Variants in SLC5A12 observed in about 807,000 individuals in gnomAD.
SLC5A12 encodes sodium-coupled monocarboxylate transporter 2.
Under a neutral mutation model 72.7 loss-of-function variants are expected in SLC5A12, and 46 were observed. The ratio of observed to expected loss-of-function variants is 0.63; its 90% CI spans 0.50 to 0.81. SLC5A12 has a LOEUF of 0.81. Ranked by LOEUF, SLC5A12 falls within the 30% of genes least tolerant of loss-of-function variation. The pLI is 0.00. For synonymous variants in SLC5A12, 275 were observed against 264.4 expected (o/e 1.04, Z -0.39); for missense variants, 683 against 740.7 (o/e 0.92, Z 0.90).
At chr11:26,707,947 C>A (rs555154410) in intron 4 of SLC5A12, among the ~76,000 whole-genome samples, 5 of 151,836 alleles carry the variant, frequency 3.3e-5, no homozygotes, top group African/African-American at 7.3e-5. Flanking sequence ...CCAGCTCCCC[C>A]CAAGGATTCT....
chr11:26,680,113 G>A (rs1203716776), intron 12 of SLC5A12, among the ~76,000 whole-genome samples: 1 of 151,384 alleles, frequency 6.6e-6, no homozygotes, highest in Non-Finnish European at 1.5e-5. Context: ...TGGACTCAGA[G>A]GGAATGAGCC....
chr11:26,720,783 G>A (rs1474800349), intron 1 of SLC5A12, among the ~76,000 whole-genome samples: 1 of 140,688 alleles, frequency 7.1e-6, no homozygotes, highest in Non-Finnish European at 1.5e-5. Context: ...TCCCATATTT[G>A]TATTATTTAG....
chr11:26,719,318 T>C (rs1379406702), intron 1 of SLC5A12, among the ~76,000 whole-genome samples: 1 of 152,222 alleles, frequency 6.6e-6, no homozygotes, highest in Non-Finnish European at 1.5e-5. Flanking sequence ...GGCATTAAAA[T>C]ATCATGCAGT....
intron 8 of SLC5A12, among the ~76,000 whole-genome samples, chr11:26,696,112 T>G (rs1854805590): frequency 6.6e-6 from 1 of 152,208 alleles, no homozygotes; most frequent in South Asian, 2.1e-4. Flanking sequence ...GTTATTTCCT[T>G]TATATACTAT....
intron 6 of SLC5A12, among the ~76,000 whole-genome samples, chr11:26,699,527 C>A (rs1016345547): frequency 5.9e-5 from 9 of 152,046 alleles, no homozygotes; most frequent in Non-Finnish European, 1.3e-4. Flanking sequence ...AAGTTTTTAT[C>A]TCAAAGTCTA....
At chr11:26,672,885 G>A (rs1237144504) in intron 14 of SLC5A12, among the ~76,000 whole-genome samples, 3 of 151,984 alleles carry the variant, frequency 2.0e-5, no homozygotes, top group South Asian at 2.1e-4. Flanking sequence ...CTTGCTTTAC[G>A]TTTATATCCC....
intron 1 of SLC5A12, among the ~76,000 whole-genome samples, chr11:26,719,983 A>G (rs1855440465): frequency 6.6e-6 from 1 of 152,188 alleles, no homozygotes; most frequent in Non-Finnish European, 1.5e-5. Flanking sequence ...AAAGGAGGTG[A>G]CAGTACCTGT....
In SLC5A12 at chr11:26,678,764, T is replaced by C; in HGVS notation, c.1527A>G (p.Ala509=). 6.2e-7 allele frequency: 1 copy of C among 1,613,452 alleles called. No individual in the cohort carries two copies. Among genetic ancestry groups the C allele is most frequent in the Non-Finnish European group, 8.5e-7 (1 of 1,179,640 alleles). The change falls in exon 13 of 15, where the codon GCA becomes GCG. Residue 509 remains alanine, a synonymous_variant. Coordinates refer to ENST00000396005, the MANE Select transcript of SLC5A12 (RefSeq NM_178498.4). ...CAACAATGCATCCTAAGCAGCCCAC[T>C]GCACTGTAGTAAAGGTAGGAGATCG... The part of the protein sequence containing the change: ...WYSISYLYYS[A]VGCLGCIVAG...
At chr11:26,682,457 G>A (rs1854432369) in intron 11 of SLC5A12, among the ~76,000 whole-genome samples, 1 of 152,202 alleles carries the variant, frequency 6.6e-6, no homozygotes, top group East Asian at 1.9e-4. Flanking sequence ...AGATTCTGAA[G>A]GTGTAGCCAC....
chr11:26,701,028 A>G (rs1854946366), intron 6 of SLC5A12, among the ~76,000 whole-genome samples: 1 of 152,188 alleles, frequency 6.6e-6, no homozygotes, highest in Admixed American at 6.5e-5. Flanking sequence ...CAAAAGCAGA[A>G]CATCTCATCA....
At chr11:26,694,053 G>A (rs1041369415) in intron 8 of SLC5A12, among the ~76,000 whole-genome samples, 6 of 152,138 alleles carry the variant, frequency 3.9e-5, no homozygotes, top group African/African-American at 1.4e-4. Context: ...GGGCGGGAGG[G>A]AGCAGAAAGT....
chr11:26,721,488 C>T lies in SLC5A12; in HGVS notation c.227G>A (p.Arg76His), dbSNP rs142065702. 53 of 1,614,078 alleles carry T rather than the reference C, an allele frequency of 3.3e-5. No individual in the cohort carries two copies. The African/African-American group carries it at 3.3e-4, about 10-fold the overall frequency. ...TVLGTPSEVY[R>H]FGASFLVFFI... Reference sequence around the variant, plus strand: ...GAAGACTAGGAAGGATGCCCCAAAGCGGTAGACTTCAGAAGGGGTCCCCAG... The same window carrying T: ...GAAGACTAGGAAGGATGCCCCAAAGTGGTAGACTTCAGAAGGGGTCCCCAG... The change falls in exon 1 of 15, where the codon CGC (arginine) becomes CAC (histidine). Residue 76 changes from arginine to histidine, a missense_variant. By Grantham distance (29) the Arg-to-His change is conservative. Transcript: ENST00000396005.
intron 13 of SLC5A12, among the ~76,000 whole-genome samples, chr11:26,674,377 C>A (rs376303592): frequency 3.0e-3 from 434 of 145,446 alleles, no homozygotes; most frequent in Middle Eastern, 7.0e-3. Flanking sequence ...TTTCTAGAGA[C>A]AAAAAAAATA....
chr11:26,673,345 A>C (rs1854187991), intron 14 of SLC5A12, 57 bp downstream of exon 14: 2 of 1,408,170 alleles, frequency 1.4e-6, no homozygotes, highest in South Asian at 1.8e-5. Flanking sequence ...TAAATGGGCA[A>C]AACCAGGAAT....
At chr11:26,671,390 C>T in intron 14 of SLC5A12, 139 bp from the exon 15 acceptor site, 2 of 593,020 alleles carry the variant, frequency 3.4e-6, no homozygotes, top group South Asian at 3.2e-5. Flanking sequence ...TGACCTAAGA[C>T]ATTTTCTAAT....
At chr11:26,708,819 T>C (rs1855152006) in intron 4 of SLC5A12, among the ~76,000 whole-genome samples, 1 of 152,062 alleles carries the variant, frequency 6.6e-6, no homozygotes, top group Non-Finnish European at 1.5e-5. Context: ...AAGTGGTAAA[T>C]GTAATCCAGG....
intron 6 of SLC5A12, among the ~76,000 whole-genome samples, chr11:26,702,862 G>GA (rs1565197137): frequency 6.6e-6 from 1 of 151,926 alleles, no homozygotes; most frequent in Non-Finnish European, 1.5e-5. Context: ...CTATATCAAA[G>GA]AAAAAAATGA....
At chr11:26,698,616 A>G (rs1321262093) in intron 6 of SLC5A12, 81 bp from the exon 7 acceptor site, 1 of 1,414,284 alleles carries the variant, frequency 7.1e-7, no homozygotes, top group African/African-American at 1.4e-5. Flanking sequence ...TACTCAAGGT[A>G]AAGGGTTTTG....
rs1243619185 is a variant in SLC5A12, at chr11:26,673,430, C to T, written c.1679G>A (p.Gly560Glu). The T allele has an allele frequency of 1.2e-6, 2 of 1,608,064 alleles. No individual in the cohort carries two copies. Among genetic ancestry groups the T allele is most frequent in the Non-Finnish European group, 1.7e-6 (2 of 1,177,240 alleles). Reference sequence around the variant, plus strand: ...CTCTGTCCCACTGTCATGCTGAACTCCACACCAGCATAGTGTTTTGTACTT... The same window carrying T: ...CTCTGTCCCACTGTCATGCTGAACTTCACACCAGCATAGTGTTTTGTACTT... Reference protein sequence around the residue: ...SKKYKTLCWCGVQHDSGTEQE... With the variant: ...SKKYKTLCWCEVQHDSGTEQE... Residue 560 changes from glycine to glutamate, a missense_variant, in exon 14 of 15, where the codon GGA (glycine) becomes GAA (glutamate). By Grantham distance (98) the Gly-to-Glu change is moderately conservative. Transcript: ENST00000396005.
Sources: gnomAD v4.1 joint callset for allele counts (sites outside exome capture counted in the v4.1 genomes callset) on GRCh38, gnomAD v4.1.1 for gene constraint, MANE v1.5 for transcripts, NCBI Gene and HGNC (gene_info 2026-07-23, HGNC 2026-07-21) for gene names.